The following GPC5 variants were observed in gnomAD, a reference collection of about 807,000 sequenced individuals.
GPC5 encodes glypican 5.
A neutral mutation model predicts 53.9 loss-of-function variants in GPC5; 47 were observed. The ratio of observed to expected loss-of-function variants is 0.87; its 90% CI spans 0.69 to 1.11. The LOEUF is 1.11. Ranked by LOEUF, GPC5 falls within the 50% of genes most tolerant of loss-of-function variation. The pLI, the probability that GPC5 is intolerant of heterozygous loss-of-function variation, is 0.00. For missense variants in GPC5, 748 were observed against 713.1 expected, an observed-to-expected ratio of 1.05 and a Z score of -0.56; for synonymous variants, 286 against 263.3, an observed-to-expected ratio of 1.09 and a Z score of -0.84.
At chr13:91,884,979 G>A (rs1197716213) in intron 5 of GPC5, among the ~76,000 whole-genome samples, 1 of 151,898 alleles carries the variant, frequency 6.6e-6, no homozygotes, top group African/African-American at 2.4e-5. Flanking sequence ...TTATAGTATT[G>A]TTAAATATTT....
chr13:92,077,542 C>T (rs1029773342), intron 6 of GPC5, among the ~76,000 whole-genome samples: 1 of 152,042 alleles, frequency 6.6e-6, no homozygotes, highest in Non-Finnish European at 1.5e-5. Context: ...TACATGTCTC[C>T]ATAATAAAAA....
intron 5 of GPC5, among the ~76,000 whole-genome samples, chr13:91,767,580 C>T (rs1050563921): frequency 1.3e-5 from 2 of 152,148 alleles, no homozygotes; most frequent in Non-Finnish European, 2.9e-5. Flanking sequence ...CTAGTCATCT[C>T]CCTTTATCCA....
At chr13:92,169,400 C>T (rs1263900460) in intron 7 of GPC5, among the ~76,000 whole-genome samples, 12 of 152,278 alleles carry the variant, frequency 7.9e-5, no homozygotes, top group Middle Eastern at 3.4e-3. Context: ...TAAAAATTCA[C>T]GTTTCCCATG....
chr13:91,534,638 C>T (rs986196110), intron 2 of GPC5, among the ~76,000 whole-genome samples: 1 of 152,190 alleles, frequency 6.6e-6, no homozygotes, highest in Non-Finnish European at 1.5e-5. Flanking sequence ...TGTTGAAATT[C>T]ACTGAAGACT....
intron 7 of GPC5, among the ~76,000 whole-genome samples, chr13:92,619,931 T>C (rs1449633786): frequency 1.3e-5 from 2 of 152,042 alleles, no homozygotes; most frequent in African/African-American, 4.8e-5. Flanking sequence ...ATATCACTAA[T>C]CTACAATCAG....
chr13:92,173,763 C>A lies in GPC5; in HGVS notation c.1561+28774C>A, dbSNP rs1015172070. On this transcript the variant is annotated intron_variant, in intron 7 of 7. Transcript: ENST00000377067. ...TAAGACCCTTGATGTAATCAATATA[C>A]TTTTATTATTATGAGCCAACAAATA... Among the ~76,000 whole-genome samples, 4 of 152,106 alleles carry A rather than the reference C, an allele frequency of 2.6e-5. No individual in the cohort carries two copies. The East Asian group carries it at 5.8e-4, about 22-fold the overall frequency.
In GPC5 at chr13:91,862,602, G is replaced by C. The variant is rs528265781; in HGVS notation, c.1281-45335G>C. Among the ~76,000 whole-genome samples, 7 of 152,218 alleles carry C rather than the reference G, an allele frequency of 4.6e-5. No homozygotes were observed. The East Asian group carries it at 1.4e-3, about 29-fold the overall frequency. On this transcript the variant is annotated intron_variant, in intron 5 of 7. Coordinates refer to ENST00000377067, the MANE Select transcript of GPC5 (RefSeq NM_004466.6). ...ATATTTTCTACAAACAAAATTGTGT[G>C]TCTGTATATGTATATACACACATAT... is the stretch of plus-strand genomic sequence containing the variant.
chr13:92,473,355 A>G (rs1034891713), intron 7 of GPC5, among the ~76,000 whole-genome samples: 15 of 152,078 alleles, frequency 9.9e-5, no homozygotes, highest in African/African-American at 2.9e-4. Context: ...CTTCAGCTCC[A>G]GTGTAGTGAT....
intron 7 of GPC5, among the ~76,000 whole-genome samples, chr13:92,557,382 T>A (rs1176408232): frequency 2.6e-5 from 4 of 151,904 alleles, no homozygotes; most frequent in Non-Finnish European, 1.5e-5. Flanking sequence ...TTTTATAAGA[T>A]CAAACTTTGT....
intron 6 of GPC5, among the ~76,000 whole-genome samples, chr13:91,939,887 C>G (rs1478096966): frequency 6.6e-6 from 1 of 152,124 alleles, no homozygotes; most frequent in Non-Finnish European, 1.5e-5. Flanking sequence ...ATAGTCCAAA[C>G]TTTTCTATCC....
intron 6 of GPC5, among the ~76,000 whole-genome samples, chr13:91,945,279 G>A (rs2139051041): frequency 6.6e-6 from 1 of 152,066 alleles, no homozygotes. Flanking sequence ...TTACAATTTA[G>A]TTTTTTTGTT....
chr13:91,839,462 T>C (rs2038759751), intron 5 of GPC5, among the ~76,000 whole-genome samples: 1 of 152,126 alleles, frequency 6.6e-6, no homozygotes, highest in Admixed American at 6.5e-5. Flanking sequence ...TAGTACTCTC[T>C]TTTTATGTAC....
chr13:91,665,655 AC>A (rs986686490), intron 2 of GPC5, among the ~76,000 whole-genome samples: 1 of 151,744 alleles, frequency 6.6e-6, no homozygotes, highest in Admixed American at 6.6e-5. Flanking sequence ...GGCGCCCACC[AC>A]CACACCCCGC....
At chr13:91,876,428 C>T (rs2039202424) in intron 5 of GPC5, among the ~76,000 whole-genome samples, 1 of 152,110 alleles carries the variant, frequency 6.6e-6, no homozygotes, top group Non-Finnish European at 1.5e-5. Flanking sequence ...AAAATCCAGG[C>T]TGAGGTGGTC....
At position 92,098,118 on chromosome 13, in the gene GPC5, G is replaced by T. The variant is rs149312895; in HGVS notation, c.1402-46712G>T. Among the ~76,000 whole-genome samples, 456 of 152,194 alleles carry T rather than the reference G, an allele frequency of 3.0e-3. 4 individuals carry two copies. The highest frequency in any genetic ancestry group is 0.01 in the African/African-American group (424 of 41,530). Reference sequence around the variant, plus strand: ...GATTATTTTGTCACCCTGGTACTAAGCCTAGTATGCAATAGTTATTTTTTC... The same window carrying T: ...GATTATTTTGTCACCCTGGTACTAATCCTAGTATGCAATAGTTATTTTTTC... On this transcript the variant is annotated intron_variant, in intron 6 of 7. Transcript: ENST00000377067.
chr13:92,745,555 G>A (rs1889220305), intron 7 of GPC5, among the ~76,000 whole-genome samples: 1 of 152,038 alleles, frequency 6.6e-6, no homozygotes, highest in African/African-American at 2.4e-5. Flanking sequence ...TACTCCAGAT[G>A]GCATTGCCTT....
At chr13:91,663,808 C>T (rs1034892763) in intron 2 of GPC5, among the ~76,000 whole-genome samples, 2 of 152,004 alleles carry the variant, frequency 1.3e-5, no homozygotes, top group Admixed American at 1.3e-4. Context: ...TTGTTGATGC[C>T]AAGTTATAGC....
chr13:91,795,268 G>T (rs530461724), intron 5 of GPC5, among the ~76,000 whole-genome samples: 6 of 152,144 alleles, frequency 3.9e-5, no homozygotes, highest in Non-Finnish European at 7.4e-5. Flanking sequence ...GTGTATATTG[G>T]TTCATAGTTT....
At chr13:92,458,818 T>G (rs1008927201) in intron 7 of GPC5, among the ~76,000 whole-genome samples, 6 of 152,140 alleles carry the variant, frequency 3.9e-5, no homozygotes, top group Non-Finnish European at 8.8e-5. Context: ...TTATCATCCT[T>G]ATTACGGTCA....
Sources: gnomAD v4.1 joint callset for allele counts (sites outside exome capture counted in the v4.1 genomes callset) on GRCh38, gnomAD v4.1.1 for gene constraint, MANE v1.5 for transcripts, NCBI Gene and HGNC (gene_info 2026-07-23, HGNC 2026-07-21) for gene names.